FUBP3: variants seen among roughly 807,000 people sequenced by gnomAD.
FUBP3 encodes far upstream element-binding protein 3.
Under a neutral mutation model 85.6 loss-of-function variants are expected in FUBP3, and 28 were observed. The ratio of observed to expected loss-of-function variants is 0.33; its 90% confidence interval spans 0.24 to 0.45. The LOEUF is 0.45. FUBP3 is among the 20% of genes least tolerant of loss of function. FUBP3 has a pLI of 1.00. For missense variants in FUBP3, 583 were observed against 755.1 expected, an observed-to-expected ratio of 0.77 and a Z score of 2.67; for synonymous variants, 271 against 271.4, an observed-to-expected ratio of 1.00 and a Z score of 0.01.
At chr9:130,636,169 G>C (rs377243480) in intron 18 of FUBP3, 43 bp downstream of exon 18, 3 of 1,596,384 alleles carry the variant, frequency 1.9e-6, no homozygotes, top group Non-Finnish European at 1.7e-6. Context: ...CCCTAGCCCC[G>C]AGCCCCTGCT....
intron 5 of FUBP3, among the ~76,000 whole-genome samples, 182 bp downstream of exon 5, chr9:130,613,209 A>C (rs1424410374): frequency 6.6e-6 from 1 of 152,228 alleles, no homozygotes; most frequent in Non-Finnish European, 1.5e-5. Flanking sequence ...GCCCGGAGAT[A>C]AGGCCTCCTA....
At chr9:130,631,312 G>T in intron 13 of FUBP3, 1 of 1,394,680 alleles carries the variant, frequency 7.2e-7, no homozygotes, top group Non-Finnish European at 9.3e-7. Context: ...CTACCCCCAG[G>T]GTGATGCCAG....
intron 12 of FUBP3, 88 bp downstream of exon 12, chr9:130,626,593 GT>G: frequency 2.9e-6 from 4 of 1,373,382 alleles, no homozygotes; most frequent in Non-Finnish European, 4.0e-6. Flanking sequence ...CTTTGGTGAG[GT>G]CCCTTTGCTG....
rs755997144 is a variant in FUBP3, at chr9:130,612,945, A to G, written c.275-11A>G. The G allele has an allele frequency of 1.7e-5, 28 of 1,600,710 alleles. No homozygotes were observed. Among genetic ancestry groups the G allele is most frequent in the Non-Finnish European group, 1.4e-5 (16 of 1,167,946 alleles). On this transcript the variant is annotated splice_polypyrimidine_tract_variant and intron_variant, in intron 4 of 18. Transcript: ENST00000319725. This position sits in a 1 kb window ranked among gnomAD's most constrained non-coding sequence, Gnocchi z 4.1. ...GGGGCGTGTATTCTGACCCTGTTCAATTTGTTTCAGTTATCGGCAGGGGAG... is the reference window on the plus strand; with the variant it reads ...GGGGCGTGTATTCTGACCCTGTTCAGTTTGTTTCAGTTATCGGCAGGGGAG...
intron 2 of FUBP3, chr9:130,596,690 A>G (rs1564195955): frequency 2.2e-6 from 1 of 448,888 alleles, no homozygotes; most frequent in Non-Finnish European, 4.6e-6. Context: ...CAGTTCATAG[A>G]CTTGTTTGCA....
At chr9:130,596,379 G>T (rs1347874158) in intron 2 of FUBP3, among the ~76,000 whole-genome samples, 2 of 152,152 alleles carry the variant, frequency 1.3e-5, no homozygotes, top group Non-Finnish European at 1.5e-5. Flanking sequence ...TTTCTGTGAT[G>T]TATTATTATG....
chr9:130,634,749 G>A lies in FUBP3; in HGVS notation c.1582+11G>A, dbSNP rs986193266. The stretch of plus-strand genomic sequence containing the variant: ...ATTACAAAAAACAGAGTGAGTGCCC[G>A]GCCCTCCTAACCTGTGGCAGCACAG... On this transcript the variant is annotated intron_variant, in intron 17 of 18. Transcript: ENST00000319725. 4 of 1,606,808 alleles carry A rather than the reference G, an allele frequency of 2.5e-6. No individual in the cohort carries two copies. Among genetic ancestry groups the A allele is most frequent in the African/African-American group, 1.3e-5 (1 of 74,786 alleles).
chr9:130,612,435 C>CA lies in FUBP3; in HGVS notation c.225-17dup. The CA allele has an allele frequency of 6.5e-7, 1 of 1,548,766 alleles. No homozygotes were observed. Among genetic ancestry groups the CA allele is most frequent in the Non-Finnish European group, 8.9e-7 (1 of 1,126,776 alleles). On this transcript the variant is annotated intron_variant, in intron 3 of 18. Coordinates refer to ENST00000319725, the MANE Select transcript of FUBP3 (RefSeq NM_003934.2). This position sits in a 1 kb window ranked among gnomAD's most constrained non-coding sequence, Gnocchi z 4.1. ...AAAGTCTGTATTCTGTATTTTTTTC[C>CA]AAAATGTTCTTTGTTTTTAGGACGG...
intron 2 of FUBP3, among the ~76,000 whole-genome samples, chr9:130,606,088 A>G (rs1416153222): frequency 6.6e-6 from 1 of 152,242 alleles, no homozygotes; most frequent in Admixed American, 6.5e-5. Context: ...TGCTTGCCAA[A>G]GGACTTTCAG....
chr9:130,600,868 C>T (rs1831122788), intron 2 of FUBP3, among the ~76,000 whole-genome samples: 1 of 151,104 alleles, frequency 6.6e-6, no homozygotes, highest in African/African-American at 2.4e-5. Context: ...CCCAGCTACT[C>T]AGGAGGCTGA....
chr9:130,630,565 C>G (rs2304810), intron 12 of FUBP3, 63 bp from the exon 13 acceptor site: 235,224 of 1,369,564 alleles, frequency 0.17, 21,603 homozygotes, highest in African/African-American at 0.32. Flanking sequence ...GCCAAGTGCC[C>G]CAGAGCCTCA....
chr9:130,588,975 C>T (rs1830467792), intron 1 of FUBP3, among the ~76,000 whole-genome samples: 4 of 152,182 alleles, frequency 2.6e-5, no homozygotes, highest in Admixed American at 2.6e-4. Context: ...AGTTGGGTCC[C>T]ACACCCTCGA....
intron 2 of FUBP3, among the ~76,000 whole-genome samples, chr9:130,596,418 A>G (rs1024056021): frequency 6.6e-6 from 1 of 152,170 alleles, no homozygotes; most frequent in African/African-American, 2.4e-5. Context: ...AACAGTATGT[A>G]TTATATAATC....
intron 16 of FUBP3, among the ~76,000 whole-genome samples, chr9:130,633,346 C>T (rs1490029714): frequency 6.6e-6 from 1 of 152,246 alleles, no homozygotes; most frequent in Non-Finnish European, 1.5e-5. Flanking sequence ...TCCCTCTGCT[C>T]GCTTGGCCAT....
At chr9:130,587,059 TTTTTTTTTGTTTGTTTG>T (rs1254715073) in intron 1 of FUBP3, among the ~76,000 whole-genome samples, 10 of 126,480 alleles carry the variant, frequency 7.9e-5, no homozygotes, top group African/African-American at 1.9e-4. Context: ...TTTTTTGTTT[TTTTTTTTTGTTTGTTTG>T]TTTTTTTGAG....
chr9:130,604,315 G>C (rs1467404699), intron 2 of FUBP3, among the ~76,000 whole-genome samples: 2 of 152,178 alleles, frequency 1.3e-5, no homozygotes, highest in Non-Finnish European at 2.9e-5. Context: ...TGTCTCTGAA[G>C]AAGTAAGTGG....
Position 130,637,050 on chromosome 9 carries a change from C to A in FUBP3, c.*28C>A. 6.3e-7 allele frequency: 1 copy of A among 1,596,780 alleles called. No individual in the cohort carries two copies. Among genetic ancestry groups the A allele is most frequent in the Non-Finnish European group, 8.6e-7 (1 of 1,164,268 alleles). ...CAGCGTCCTCGTGGCCAACTCTCCC[C>A]TCAAAATCATTGTCAAAGAAAACCT... is the stretch of plus-strand genomic sequence containing the variant. On this transcript the variant is annotated 3_prime_UTR_variant, in exon 19 of 19. Coordinates refer to ENST00000319725, the MANE Select transcript of FUBP3 (RefSeq NM_003934.2).
intron 2 of FUBP3, among the ~76,000 whole-genome samples, chr9:130,601,375 A>G (rs1831144406): frequency 6.6e-6 from 1 of 152,164 alleles, no homozygotes; most frequent in African/African-American, 2.4e-5. Context: ...ATCAAAGATC[A>G]AAGCCTTTCC....
intron 9 of FUBP3, among the ~76,000 whole-genome samples, chr9:130,621,618 C>T (rs1206558060): frequency 6.6e-6 from 1 of 152,148 alleles, no homozygotes; most frequent in Non-Finnish European, 1.5e-5. Context: ...GTTAAGAATG[C>T]AGTTCAGGCC....
Sources: allele counts gnomAD v4.1 joint callset (sites outside exome capture counted in the v4.1 genomes callset), GRCh38; gene constraint gnomAD v4.1.1; non-coding constraint Gnocchi (gnomAD v3.1); transcripts MANE v1.5; gene names NCBI Gene and HGNC (gene_info 2026-07-23, HGNC 2026-07-21).